OTOG: variants seen among roughly 807,000 people sequenced by gnomAD.
OTOG encodes the protein otogelin.
OTOG carries 296 observed loss-of-function variants against 313.8 expected under a neutral mutation model. The observed-to-expected ratio is 0.94, with a 90% CI of 0.86 to 1.04. OTOG has a LOEUF of 1.04. OTOG is among the 50% of genes least tolerant of loss of function. The probability of loss-of-function intolerance (pLI) is 0.00; values close to 1 mark genes in which losing one functional copy is unlikely to be tolerated. For missense variants in OTOG, 3,948 were observed against 3,840.1 expected, an observed-to-expected ratio of 1.03 and a Z score of -0.74; for synonymous variants, 1,533 against 1,554.9, an observed-to-expected ratio of 0.99 and a Z score of 0.33.
intron 16 of OTOG, 132 bp downstream of exon 16, chr11:17,569,420 G>A (rs1404811958): frequency 7.8e-7 from 1 of 1,282,002 alleles, no homozygotes; most frequent in Non-Finnish European, 1.1e-6. Flanking sequence ...ATCAGGATAG[G>A]GGACACTTTG....
intron 30 of OTOG, among the ~76,000 whole-genome samples, chr11:17,598,831 C>G (rs560754373): frequency 2.0e-4 from 31 of 152,336 alleles, no homozygotes; most frequent in African/African-American, 7.5e-4. Context: ...GAGAGGCAGG[C>G]ACGTGCCCCT....
intron 22 of OTOG, 142 bp downstream of exon 22, chr11:17,577,053 G>A: frequency 1.2e-6 from 1 of 860,968 alleles, no homozygotes; most frequent in South Asian, 1.8e-5. Flanking sequence ...TGCCCTCTTG[G>A]CAAAGACTCC....
At position 17,610,579 on chromosome 11, in the gene OTOG, C is replaced by T; in HGVS notation, c.5279C>T (p.Thr1760Ile). The T allele has an allele frequency of 6.4e-7, 1 of 1,550,598 alleles. No individual in the cohort carries two copies. The highest frequency in any genetic ancestry group is 8.7e-7 in the Non-Finnish European group (1 of 1,146,930). Residue 1760 changes from threonine to isoleucine, a missense_variant, in exon 36 of 56, where the codon ACC becomes ATC. Thr to Ile is a moderately conservative substitution (Grantham distance 89). Transcript: ENST00000399397. ...CCAGCCCAGCATACCACCATGGCCACCAGGTCTCCAGCTCTGCCCCCAGAG... is the reference window on the plus strand; with the variant it reads ...CCAGCCCAGCATACCACCATGGCCATCAGGTCTCCAGCTCTGCCCCCAGAG... ...PRPAQHTTMA[T>I]RSPALPPETP...
At position 17,573,381 on chromosome 11, in the gene OTOG, C is replaced by T. The variant is rs544794743; in HGVS notation, c.2293+91C>T. On this transcript the variant is annotated intron_variant, in intron 19 of 55. Coordinates refer to ENST00000399397, the MANE Select transcript of OTOG (RefSeq NM_001292063.2). ...CCCCTGAAAGTCTCCACTGGGATGC[C>T]CTCCAGTCTCCTCCAGCCTGACTGC... 4.4e-5 allele frequency: 56 copies of T among 1,278,402 alleles called. No homozygotes were observed. In the African/African-American group the frequency reaches 7.9e-4, roughly 18 times the overall value. The allele number at this position is 1,278,402 out of a possible 1,614,324, so 79.2% of individuals were successfully genotyped here. A position where few individuals can be genotyped will look rare whatever the true frequency, so the allele number is the denominator to read the frequency against.
rs1354465804 is a variant in OTOG at position 17,613,190 on chromosome 11, CTTTCT to C, written c.6439-414_6439-410del. ...CTCCCTTTTCTTTCTTTCTTTCTTT[CTTTCT>C]TTTCTTTCTTTCTTTCTTTCTTTCT... On this transcript the variant is annotated intron_variant, in intron 38 of 55. Transcript: ENST00000399397. 9.1e-3 allele frequency among the ~76,000 whole-genome samples: 888 copies of C among 98,048 alleles called. 30 individuals are homozygous for C. Among genetic ancestry groups the C allele is most frequent in the Non-Finnish European group, 0.012 (612 of 49,074 alleles). The allele number at this position is 98,048 out of a possible 152,430, so 64.3% of individuals were successfully genotyped here.
intron 46 of OTOG, 42 bp downstream of exon 46, chr11:17,635,229 A>T: frequency 6.8e-7 from 1 of 1,475,376 alleles, no homozygotes; most frequent in Non-Finnish European, 9.1e-7. Flanking sequence ...CAGCCTGATC[A>T]CAGTCCGCCG....
At chr11:17,639,019 C>T (rs1847913587) in intron 48 of OTOG, 2 of 339,098 alleles carry the variant, frequency 5.9e-6, no homozygotes, top group South Asian at 5.4e-5. Context: ...CGCCACTGCA[C>T]TCCAGCCTGG....
chr11:17,613,195 T>TTTCCTTTCTTTCTTTCTTTCTTTC (rs1401646180), intron 38 of OTOG, among the ~76,000 whole-genome samples: 1 of 65,328 alleles, frequency 1.5e-5, no homozygotes, highest in African/African-American at 7.6e-5. Flanking sequence ...TCTTTCTTTC[T>TTTCCTTTCTTTCTTTCTTTCTTTC]TTTCTTTCTT....
At chr11:17,609,292 C>T (rs1853465790) in intron 35 of OTOG, 83 bp downstream of exon 35, 2 of 1,264,604 alleles carry the variant, frequency 1.6e-6, no homozygotes, top group Non-Finnish European at 2.2e-6. Context: ...CCTCAAAGCT[C>T]CCAGGTCCCA....
chr11:17,612,254 TC>T lies in OTOG; in HGVS notation c.6221del (p.Pro2074LeufsTer33). On this transcript the variant is annotated frameshift_variant, in exon 37 of 56. Coordinates refer to ENST00000399397, the MANE Select transcript of OTOG (RefSeq NM_001292063.2). LOFTEE classifies it high-confidence loss of function. ...CCCAGCACTGTCCCCAGGGTGCTGC[TC>T]CCCCTCGCTGTGGGATCCTGGGCCT... ...QSQHCPQGAA[P>X]PRCGILGLAV... 6.5e-7 allele frequency: 1 copy of T among 1,546,830 alleles called. No homozygotes were observed.
intron 18 of OTOG, 26 bp from the exon 19 acceptor site, chr11:17,573,052 C>T: frequency 6.6e-7 from 1 of 1,522,816 alleles, no homozygotes; most frequent in Non-Finnish European, 8.9e-7. Flanking sequence ...CCCCTGACTG[C>T]CTGGCTCCTG....
rs529049071 is a variant in OTOG, at chr11:17,612,509, C to T, written c.6293-111C>T. On this transcript the variant is annotated intron_variant, in intron 37 of 55. Transcript: ENST00000399397. ...GTGGTCTGAGCCACCCTCCAGACCCCAGGCCTCTGCATCCATCCAGGAAAA... is the reference window on the plus strand; with the variant it reads ...GTGGTCTGAGCCACCCTCCAGACCCTAGGCCTCTGCATCCATCCAGGAAAA... 5 of 1,420,934 alleles carry T rather than the reference C, an allele frequency of 3.5e-6. No homozygotes were observed. In the African/African-American group the frequency reaches 7.1e-5, roughly 20 times the overall value. The allele number at this position is 1,420,934 out of a possible 1,614,324, so 88.0% of individuals were successfully genotyped here.
At chr11:17,597,637 T>C (rs1003461367) in intron 30 of OTOG, among the ~76,000 whole-genome samples, 4 of 152,328 alleles carry the variant, frequency 2.6e-5, no homozygotes, top group Non-Finnish European at 5.9e-5. Flanking sequence ...TCCATAGATA[T>C]ACTCCTCAAG....
intron 32 of OTOG, among the ~76,000 whole-genome samples, chr11:17,604,184 A>G (rs1217399989): frequency 6.6e-6 from 1 of 152,218 alleles, no homozygotes; most frequent in Non-Finnish European, 1.5e-5. Flanking sequence ...GGCATTAAAC[A>G]AGAAATACAG....
In OTOG at chr11:17,641,041, T is replaced by A; in HGVS notation, c.8140T>A (p.Phe2714Ile). The change falls in exon 51 of 56, where the codon TTC becomes ATC. Residue 2714 changes from phenylalanine (F) to isoleucine (I), a missense_variant. Transcript: ENST00000399397. ...CACCGTGCTCGACCCTCTCACCAAC[T>A]TCTACCAGATCAACACCACCTCCGT... ...CTTVLDPLTN[F>I]YQINTTSVLC... 1 of 1,511,418 alleles carries A rather than the reference T, an allele frequency of 6.6e-7. No individual in the cohort carries two copies. The allele number at this position is 1,511,418 out of a possible 1,614,324, so 93.6% of individuals were successfully genotyped here.
At chr11:17,551,885 A>T (rs1278505373) in intron 3 of OTOG, 115 bp from the exon 4 acceptor site, 1 of 883,102 alleles carries the variant, frequency 1.1e-6, no homozygotes, top group African/African-American at 1.7e-5. Context: ...ACTGAGGGGC[A>T]GGGGCTCCTC....
At chr11:17,553,612 C>G in intron 6 of OTOG, 93 bp downstream of exon 6, 1 of 1,160,942 alleles carries the variant, frequency 8.6e-7, no homozygotes, top group Non-Finnish European at 1.1e-6. Flanking sequence ...GTTAGAGAGA[C>G]TGGCACCTTC....
chr11:17,639,746 G>A (rs886527713), intron 49 of OTOG, among the ~76,000 whole-genome samples: 2 of 152,180 alleles, frequency 1.3e-5, no homozygotes, highest in African/African-American at 2.4e-5. Context: ...GATGATGGTG[G>A]GGACAGTGAG....
chr11:17,596,242 A>G lies in OTOG; in HGVS notation c.3525+88A>G. 3.1e-6 allele frequency: 3 copies of G among 961,226 alleles called. No homozygotes were observed. The South Asian group carries it at 4.2e-5, about 14-fold the overall frequency. The allele number at this position is 961,226 out of a possible 1,614,324, so 59.5% of individuals were successfully genotyped here. A position where few individuals can be genotyped will look rare whatever the true frequency, so the allele number is the denominator to read the frequency against. On this transcript the variant is annotated intron_variant, in intron 29 of 55. Coordinates refer to ENST00000399397, the MANE Select transcript of OTOG (RefSeq NM_001292063.2). ...GCTCTCAGACTCCCCCATGTCTCAG[A>G]GGAGACAGCTCAGATCTCCAGGGAA...
Sources: gnomAD v4.1 joint callset for allele counts (sites outside exome capture counted in the v4.1 genomes callset) on GRCh38, gnomAD v4.1.1 for gene constraint, MANE v1.5 for transcripts, NCBI Gene and HGNC (gene_info 2026-07-23, HGNC 2026-07-21) for gene names.